The following ASIC2 variants were observed in gnomAD, a reference collection of about 807,000 sequenced individuals.
The protein encoded by ASIC2 is acid sensing ion channel subunit 2.
Under a neutral mutation model 57.3 loss-of-function variants are expected in ASIC2, and 25 were observed. The ratio of observed to expected loss-of-function variants is 0.44; its 90% confidence interval spans 0.32 to 0.61. The LOEUF (loss-of-function observed/expected upper bound fraction) is 0.61. ASIC2 is among the 20% of genes least tolerant of loss of function. The pLI is 0.06. For missense variants in ASIC2, 641 were observed against 738.1 expected (o/e 0.87, Z 1.52); for synonymous variants, 319 against 307.5 (o/e 1.04, Z -0.39).
intron 1 of ASIC2, among the ~76,000 whole-genome samples, chr17:33,406,471 C>T (rs545536007): frequency 5.9e-5 from 9 of 152,304 alleles, no homozygotes; most frequent in East Asian, 1.9e-4. Context: ...TTCTGTCAAA[C>T]GCAGAACACA....
intron 1 of ASIC2, among the ~76,000 whole-genome samples, chr17:33,915,490 C>T (rs1567755055): frequency 6.6e-6 from 1 of 152,298 alleles, no homozygotes; most frequent in East Asian, 1.9e-4. Flanking sequence ...AGCTTTCAGA[C>T]ATGTTCAGAT....
chr17:33,098,044 C>T (rs898088745), intron 2 of ASIC2, among the ~76,000 whole-genome samples: 4 of 152,156 alleles, frequency 2.6e-5, no homozygotes, highest in African/African-American at 4.8e-5. Flanking sequence ...ACCTAATTGC[C>T]GGGTGACCTC....
chr17:33,945,732 C>A (rs1046213538), intron 1 of ASIC2, among the ~76,000 whole-genome samples: 1 of 152,160 alleles, frequency 6.6e-6, no homozygotes, highest in Non-Finnish European at 1.5e-5. Context: ...CAACAAGAAG[C>A]TCCGTGATCT....
chr17:33,679,981 C>T (rs1188236678), intron 1 of ASIC2, among the ~76,000 whole-genome samples: 1 of 152,062 alleles, frequency 6.6e-6, no homozygotes, highest in Non-Finnish European at 1.5e-5. Flanking sequence ...TTCCATTTTA[C>T]AGTTACAGAA....
chr17:33,715,097 T>A (rs529065351), intron 1 of ASIC2, among the ~76,000 whole-genome samples: 1 of 151,906 alleles, frequency 6.6e-6, no homozygotes, highest in Non-Finnish European at 1.5e-5. Context: ...AGTCCTCGGC[T>A]CAAGTGATCC....
intron 1 of ASIC2, among the ~76,000 whole-genome samples, chr17:33,654,322 T>G (rs1907014223): frequency 6.6e-6 from 1 of 152,194 alleles, no homozygotes; most frequent in Non-Finnish European, 1.5e-5. Context: ...AAGATCAACA[T>G]TTTTCCTCTT....
At chr17:33,402,116 A>C (rs1036123730) in intron 1 of ASIC2, among the ~76,000 whole-genome samples, 2 of 152,064 alleles carry the variant, frequency 1.3e-5, no homozygotes, top group African/African-American at 4.8e-5. Context: ...TGCAAGCCTC[A>C]AGCCCACTGG....
chr17:34,098,985 TG>T (rs1393698157), intron 1 of ASIC2, among the ~76,000 whole-genome samples: 1 of 151,204 alleles, frequency 6.6e-6, no homozygotes, highest in African/African-American at 2.4e-5. Flanking sequence ...GCAAGTTTGG[TG>T]GGGGAGGTGA....
chr17:33,536,160 G>T (rs928327673), intron 1 of ASIC2, among the ~76,000 whole-genome samples: 1 of 150,728 alleles, frequency 6.6e-6, no homozygotes, highest in Non-Finnish European at 1.5e-5. Context: ...ACGTTCATGT[G>T]CTTCTGAGCC....
intron 1 of ASIC2, among the ~76,000 whole-genome samples, chr17:33,689,588 T>C (rs763174456): frequency 7.8e-5 from 4 of 51,198 alleles, no homozygotes; most frequent in African/African-American, 3.4e-4. Flanking sequence ...ATCTTTTCTA[T>C]AGAAATATTA....
intron 1 of ASIC2, among the ~76,000 whole-genome samples, chr17:33,199,028 A>T (rs1906751881): frequency 6.6e-6 from 1 of 152,190 alleles, no homozygotes; most frequent in African/African-American, 2.4e-5. Flanking sequence ...TTTTTCTGGC[A>T]TCACGCCAGT....
chr17:34,151,457 C>T (rs1034974022), intron 1 of ASIC2, among the ~76,000 whole-genome samples: 43 of 152,302 alleles, frequency 2.8e-4, no homozygotes, highest in African/African-American at 9.1e-4. Flanking sequence ...GCTATAAAAG[C>T]TGTGCACAGG....
At chr17:33,283,986 T>C (rs1297326434) in intron 1 of ASIC2, among the ~76,000 whole-genome samples, 1 of 152,232 alleles carries the variant, frequency 6.6e-6, no homozygotes, top group Non-Finnish European at 1.5e-5. Context: ...CTCAGTTTTC[T>C]TTTTGGTATC....
intron 1 of ASIC2, among the ~76,000 whole-genome samples, chr17:33,595,117 A>C (rs1018906709): frequency 6.6e-6 from 1 of 151,672 alleles, no homozygotes; most frequent in Non-Finnish European, 1.5e-5. Flanking sequence ...TTCCACCTAC[A>C]TGGGAGGCTG....
At chr17:33,344,764 A>G (rs1374628743) in intron 1 of ASIC2, among the ~76,000 whole-genome samples, 1 of 152,096 alleles carries the variant, frequency 6.6e-6, no homozygotes, top group Non-Finnish European at 1.5e-5. Context: ...AAGAATGTAT[A>G]TATTTATTTG....
At chr17:33,442,316 C>G (rs1015933157) in intron 1 of ASIC2, among the ~76,000 whole-genome samples, 2 of 152,220 alleles carry the variant, frequency 1.3e-5, no homozygotes, top group South Asian at 2.1e-4. Flanking sequence ...TCTAAAGAAG[C>G]CTGATGGGAA....
At chr17:33,428,461 G>A (rs556946152) in intron 1 of ASIC2, among the ~76,000 whole-genome samples, 16 of 152,292 alleles carry the variant, frequency 1.1e-4, no homozygotes, top group African/African-American at 2.4e-4. Context: ...CTTGGTTTAC[G>A]CTGTGAGTTC....
chr17:33,145,045 T>C (rs1241806012), intron 1 of ASIC2, among the ~76,000 whole-genome samples: 1 of 152,042 alleles, frequency 6.6e-6, no homozygotes, highest in Admixed American at 6.6e-5. Context: ...TAGACTGGAG[T>C]TGCATTTCAG....
chr17:33,233,143 G>T (rs1490090773), intron 1 of ASIC2, among the ~76,000 whole-genome samples: 1 of 151,602 alleles, frequency 6.6e-6, no homozygotes, highest in Non-Finnish European at 1.5e-5. Flanking sequence ...TGCACCCCTT[G>T]GAAATTCCTC....
Sources: gnomAD v4.1 joint callset for allele counts (sites outside exome capture counted in the v4.1 genomes callset) on GRCh38, gnomAD v4.1.1 for gene constraint, MANE v1.5 for transcripts, NCBI Gene and HGNC (gene_info 2026-07-23, HGNC 2026-07-21) for gene names.